The following MID1 variants were observed in gnomAD, a reference collection of about 807,000 sequenced individuals.
MID1 encodes the protein midline 1.
A neutral mutation model predicts 40.4 loss-of-function variants in MID1; 7 were observed. That is an observed-to-expected ratio of 0.17 (90% CI 0.10 to 0.33). The LOEUF (loss-of-function observed/expected upper bound fraction) is 0.33. Among genes scored for constraint, MID1 ranks in the 10% least tolerant of loss-of-function variants. The probability of loss-of-function intolerance (pLI) is 1.00; values close to 1 mark genes in which losing one functional copy is unlikely to be tolerated. For synonymous variants in MID1, 229 were observed against 221.2 expected (o/e 1.04, Z -0.31); for missense variants, 367 against 558.5 (o/e 0.66, Z 3.46).
At chrX:10,732,806 G>C (rs904352478) in intron 1 of MID1, among the ~76,000 whole-genome samples, 2 of 110,553 alleles carry the variant, frequency 1.8e-5, no homozygotes, top group African/African-American at 3.3e-5. Flanking sequence ...AAACAAAATA[G>C]AGTCCAGAAA....
intron 1 of MID1, among the ~76,000 whole-genome samples, chrX:10,659,321 C>T (rs1275084437): frequency 2.7e-5 from 3 of 111,543 alleles, no homozygotes; most frequent in African/African-American, 6.5e-5. Flanking sequence ...AGAGTATCAT[C>T]TATCACTATA....
intron 1 of MID1, among the ~76,000 whole-genome samples, chrX:10,778,367 C>T (rs1172449332): frequency 9.0e-6 from 1 of 110,625 alleles, no homozygotes; most frequent in African/African-American, 3.3e-5. Flanking sequence ...TGGTGCATGA[C>T]CGTATATATG....
intron 1 of MID1, among the ~76,000 whole-genome samples, chrX:10,595,626 G>A (rs1001832647): frequency 8.9e-6 from 1 of 112,113 alleles, no homozygotes; most frequent in Non-Finnish European, 1.9e-5. Context: ...TTTCATAGCA[G>A]TAGAGAGTAG....
Position 10,814,908 on chromosome X carries a change from A to T in MID1, c.-187+18646T>A, listed in dbSNP as rs181209106. Reference sequence around the variant, plus strand: ...CCTTTTTATTCCTGCATAGCATTCCATGGTAAAGATTACCATTGTTGGTTT... The same window carrying T: ...CCTTTTTATTCCTGCATAGCATTCCTTGGTAAAGATTACCATTGTTGGTTT... On this transcript the variant is annotated intron_variant, in intron 1 of 10. Transcript: ENST00000380785. Among the ~76,000 whole-genome samples the T allele has an allele frequency of 3.6e-5, 4 of 111,349 alleles. No individual in the cohort carries two copies. The East Asian group carries it at 1.1e-3, about 32-fold the overall frequency.
intron 1 of MID1, among the ~76,000 whole-genome samples, chrX:10,804,939 T>A (rs1329331856): frequency 9.0e-6 from 1 of 111,443 alleles, no homozygotes; most frequent in African/African-American, 3.3e-5. Flanking sequence ...GGCCAAGCAC[T>A]AAGTAAATTT....
intron 1 of MID1, among the ~76,000 whole-genome samples, chrX:10,765,487 C>T (rs2043714056): frequency 8.9e-6 from 1 of 112,411 alleles, no homozygotes; most frequent in African/African-American, 3.2e-5. Context: ...TTGATCAAGC[C>T]ATGGGGTTTC....
chrX:10,483,639 G>A (rs950828439), intron 4 of MID1, among the ~76,000 whole-genome samples: 10 of 111,949 alleles, frequency 8.9e-5, no homozygotes, highest in African/African-American at 2.6e-4. Context: ...AATAGCCCTG[G>A]GTGAAAGGGT....
At chrX:10,800,976 T>C (rs1222847398) in intron 1 of MID1, among the ~76,000 whole-genome samples, 2 of 111,549 alleles carry the variant, frequency 1.8e-5, no homozygotes, top group African/African-American at 6.5e-5. Context: ...ACCATTTTGG[T>C]ATTCTGGCTG....
chrX:10,684,578 T>G (rs1297768155), intron 1 of MID1, among the ~76,000 whole-genome samples: 2 of 108,417 alleles, frequency 1.8e-5, no homozygotes, highest in Non-Finnish European at 3.8e-5. Context: ...ATTTTTTTTT[T>G]TGTATTTTTT....
At chrX:10,753,586 T>C (rs2043612957) in intron 1 of MID1, among the ~76,000 whole-genome samples, 2 of 110,339 alleles carry the variant, frequency 1.8e-5, no homozygotes, top group Non-Finnish European at 3.8e-5. Flanking sequence ...AACATTTAAA[T>C]GAAAGGTGTT....
intron 1 of MID1, among the ~76,000 whole-genome samples, chrX:10,642,987 T>C (rs1277351580): frequency 1.8e-5 from 2 of 111,790 alleles, no homozygotes; most frequent in African/African-American, 3.3e-5. Context: ...CTGGATACCT[T>C]CCTTACATCT....
Position 10,567,618 on chromosome X carries a change from G to T in MID1, c.-56-15C>A. On this transcript the variant is annotated splice_polypyrimidine_tract_variant and intron_variant, in intron 1 of 9. Transcript: ENST00000317552. ...TGATCAGCTATCTGGAAACAAGAAT[G>T]TAAGATTTGATTAGGCACAGGGAGG... 1 of 1,159,995 alleles carries T rather than the reference G, an allele frequency of 8.6e-7. No individual in the cohort carries two copies. Among genetic ancestry groups the T allele is most frequent in the Non-Finnish European group, 1.2e-6 (1 of 849,071 alleles).
chrX:10,792,929 A>G (rs1482005121), intron 1 of MID1, among the ~76,000 whole-genome samples: 3 of 112,128 alleles, frequency 2.7e-5, no homozygotes, highest in South Asian at 7.4e-4. Context: ...GGACATTCTC[A>G]TACGATTTGG....
intron 2 of MID1, among the ~76,000 whole-genome samples, chrX:10,539,756 G>C (rs945392765): frequency 8.9e-6 from 1 of 112,291 alleles, no homozygotes; most frequent in Non-Finnish European, 1.9e-5. Flanking sequence ...TTTTCTTTCT[G>C]TTCTTTGAGA....
chrX:10,533,167 AAAGTATTGT>A (rs2147389458), intron 2 of MID1, among the ~76,000 whole-genome samples: 1 of 110,115 alleles, frequency 9.1e-6, no homozygotes, highest in African/African-American at 3.3e-5. Context: ...CTGTAGCCAT[AAAGTATTGT>A]TTACTGTTGC....
intron 1 of MID1, among the ~76,000 whole-genome samples, chrX:10,782,840 G>A (rs1003642622): frequency 9.0e-6 from 1 of 111,537 alleles, no homozygotes; most frequent in African/African-American, 3.3e-5. Context: ...TTCAAACTGT[G>A]GCCCTGCCCG....
At chrX:10,452,956 C>A (rs1928437901) in intron 9 of MID1, among the ~76,000 whole-genome samples, 1 of 111,799 alleles carries the variant, frequency 8.9e-6, no homozygotes, top group Admixed American at 9.5e-5. Flanking sequence ...TGGATTCTAT[C>A]CCAGATTAAT....
At chrX:10,528,836 C>T (rs994012665) in intron 2 of MID1, among the ~76,000 whole-genome samples, 4 of 112,349 alleles carry the variant, frequency 3.6e-5, no homozygotes, top group Admixed American at 9.5e-5. Flanking sequence ...AGCACTTTCA[C>T]TTATGGGCAG....
intron 1 of MID1, among the ~76,000 whole-genome samples, chrX:10,568,067 C>G: frequency 9.0e-6 from 1 of 111,676 alleles, no homozygotes; most frequent in Non-Finnish European, 1.9e-5. Context: ...GACTTTTACT[C>G]TGCAATACCA....
Sources: gnomAD v4.1 joint callset for allele counts (sites outside exome capture counted in the v4.1 genomes callset) on GRCh38, gnomAD v4.1.1 for gene constraint, MANE v1.5 for transcripts, NCBI Gene and HGNC (gene_info 2026-07-23, HGNC 2026-07-21) for gene names.